METTL15: variants seen among roughly 807,000 people sequenced by gnomAD.
METTL15 encodes 12S rRNA N(4)-cytidine methyltransferase METTL15.
Under a neutral mutation model 38.3 loss-of-function variants are expected in METTL15, and 34 were observed. The observed-to-expected ratio is 0.89, with a 90% confidence interval of 0.68 to 1.18. METTL15 has a LOEUF of 1.18. Among genes scored for constraint, METTL15 ranks in the 50% most tolerant of loss-of-function variants. The pLI is 0.00. For synonymous variants in METTL15, 162 were observed against 170.9 expected, an observed-to-expected ratio of 0.95 and a Z score of 0.41; for missense variants, 438 against 498.4, an observed-to-expected ratio of 0.88 and a Z score of 1.15.
chr11:28,308,562 A>G (rs1352873706), intron 6 of METTL15, among the ~76,000 whole-genome samples: 10 of 152,174 alleles, frequency 6.6e-5, no homozygotes, highest in Admixed American at 6.5e-4. Context: ...GCTTCAAAGA[A>G]CAGATAGTTC....
chr11:28,265,418 A>G (rs1855374202), intron 4 of METTL15, among the ~76,000 whole-genome samples: 1 of 152,038 alleles, frequency 6.6e-6, no homozygotes, highest in African/African-American at 2.4e-5. Flanking sequence ...AAAGCATGAA[A>G]GAGTTGGTGA....
chr11:28,505,613 G>A (rs192173493), intron 6 of METTL15, among the ~76,000 whole-genome samples: 5 of 152,302 alleles, frequency 3.3e-5, no homozygotes, highest in Admixed American at 3.3e-4. Flanking sequence ...TTGTGTATGT[G>A]TGCATATGTA....
intron 3 of METTL15, among the ~76,000 whole-genome samples, chr11:28,143,927 A>G (rs1375641965): frequency 6.6e-6 from 1 of 152,170 alleles, no homozygotes; most frequent in African/African-American, 2.4e-5. Flanking sequence ...GCTGCAGCCT[A>G]GGCATTTGTT....
intron 3 of METTL15, among the ~76,000 whole-genome samples, chr11:28,150,920 T>C (rs1850061522): frequency 1.4e-5 from 2 of 145,738 alleles, no homozygotes; most frequent in Admixed American, 1.4e-4. Flanking sequence ...TCTTTGTAAA[T>C]CCATGCCAGA....
intron 6 of METTL15, among the ~76,000 whole-genome samples, chr11:28,501,444 A>C (rs1851582008): frequency 6.6e-6 from 1 of 152,182 alleles, no homozygotes; most frequent in South Asian, 2.1e-4. Context: ...AGTTTATCAT[A>C]TGCGCTTGGG....
In METTL15 at chr11:28,123,038, A is replaced by G. The variant is rs561633730; in HGVS notation, c.270+9434A>G. 3.3e-5 allele frequency among the ~76,000 whole-genome samples: 5 copies of G among 152,284 alleles called. No homozygotes were observed. The East Asian group carries it at 9.6e-4, about 29-fold the overall frequency. The stretch of plus-strand genomic sequence containing the variant: ...TTTAAAAATCAGACGTATGTACTGA[A>G]TCCAAATTTTAAATTTGCTTAAGAG... On this transcript the variant is annotated intron_variant, in intron 3 of 6. Transcript: ENST00000407364.
intron 6 of METTL15, among the ~76,000 whole-genome samples, chr11:28,316,372 A>G (rs1477837663): frequency 6.6e-6 from 1 of 152,142 alleles, no homozygotes; most frequent in African/African-American, 2.4e-5. Flanking sequence ...GTTTAGGCCA[A>G]TTTCTTCCAT....
chr11:28,393,316 A>T (rs1850531323), intron 5 of METTL15, among the ~76,000 whole-genome samples: 1 of 152,188 alleles, frequency 6.6e-6, no homozygotes, highest in African/African-American at 2.4e-5. Flanking sequence ...AAAATGTGGT[A>T]TATACATACA....
intron 3 of METTL15, among the ~76,000 whole-genome samples, chr11:28,147,580 G>A (rs971435179): frequency 1.3e-5 from 2 of 151,650 alleles, no homozygotes; most frequent in South Asian, 2.1e-4. Flanking sequence ...GTCTTTGATG[G>A]GATACAGTAT....
intron 3 of METTL15, among the ~76,000 whole-genome samples, chr11:28,137,448 CTG>C (rs754095692): frequency 1.1e-4 from 16 of 152,118 alleles, no homozygotes; most frequent in Non-Finnish European, 1.5e-4. Context: ...ATAACAGTAA[CTG>C]TTAGCAATTT....
chr11:28,380,807 G>C (rs552575055), intron 5 of METTL15, among the ~76,000 whole-genome samples: 28 of 151,090 alleles, frequency 1.9e-4, no homozygotes, highest in African/African-American at 6.1e-4. Flanking sequence ...TTGAAAGATA[G>C]CTTTGCTAGA....
At chr11:28,379,068 C>T (rs898153728) in intron 5 of METTL15, among the ~76,000 whole-genome samples, 6 of 151,792 alleles carry the variant, frequency 4.0e-5, no homozygotes, top group Non-Finnish European at 8.8e-5. Context: ...GTGGTTATGT[C>T]TCCATTTTGT....
At chr11:28,302,346 G>A (rs1856941774) in intron 6 of METTL15, among the ~76,000 whole-genome samples, 1 of 152,150 alleles carries the variant, frequency 6.6e-6, no homozygotes, top group Non-Finnish European at 1.5e-5. Context: ...GTTCAGTCTT[G>A]TAGGTCATAA....
intron 6 of METTL15, among the ~76,000 whole-genome samples, chr11:28,513,809 T>C (rs925995674): frequency 9.9e-5 from 15 of 152,280 alleles, no homozygotes; most frequent in Admixed American, 7.8e-4. Flanking sequence ...ATGCTATTGT[T>C]TGTGGTTTAA....
chr11:28,277,255 G>T (rs1486923933), intron 4 of METTL15, among the ~76,000 whole-genome samples: 1 of 152,136 alleles, frequency 6.6e-6, no homozygotes, highest in South Asian at 2.1e-4. Context: ...AAAGAAATTA[G>T]TGTATCAAAG....
At chr11:28,351,206 G>A (rs1305414135) in intron 3 of METTL15, among the ~76,000 whole-genome samples, 1 of 152,122 alleles carries the variant, frequency 6.6e-6, no homozygotes, top group African/African-American at 2.4e-5. Flanking sequence ...TCACTTCCCG[G>A]GTTCAAGCTA....
intron 4 of METTL15, among the ~76,000 whole-genome samples, chr11:28,270,261 T>TA (rs1236610640): frequency 6.6e-6 from 1 of 152,202 alleles, no homozygotes; most frequent in African/African-American, 2.4e-5. Context: ...AACTGACAAA[T>TA]ATTGCATATA....
chr11:28,137,265 A>G (rs993161983), intron 3 of METTL15, among the ~76,000 whole-genome samples: 1 of 152,218 alleles, frequency 6.6e-6, no homozygotes, highest in African/African-American at 2.4e-5. Flanking sequence ...ATTAATTTTT[A>G]TAAACCTTCC....
intron 6 of METTL15, chr11:28,518,949 G>A (rs1851741600): frequency 6.6e-6 from 1 of 152,196 alleles, no homozygotes; most frequent in African/African-American, 2.4e-5. Context: ...TTTCATATAT[G>A]TATCTGTGAA....
Sources: gnomAD v4.1 joint callset for allele counts (sites outside exome capture counted in the v4.1 genomes callset) on GRCh38, gnomAD v4.1.1 for gene constraint, MANE v1.5 for transcripts, NCBI Gene and HGNC (gene_info 2026-07-23, HGNC 2026-07-21) for gene names.